The following AGAP1 variants were observed in gnomAD, a reference collection of about 807,000 sequenced individuals.
AGAP1 encodes the protein ArfGAP with GTPase domain, ankyrin repeat and PH domain 1, also known as arf-GAP with GTPase, ANK repeat and PH domain-containing protein 1.
A neutral mutation model predicts 105.3 loss-of-function variants in AGAP1; 29 were observed. The observed-to-expected ratio is 0.28, with a 90% CI of 0.21 to 0.38. The LOEUF (loss-of-function observed/expected upper bound fraction) is 0.38. Ranked by LOEUF, AGAP1 falls within the 10% of genes least tolerant of loss-of-function variation. The pLI is 1.00. For missense variants in AGAP1, 998 were observed against 1,165.1 expected (o/e 0.86, Z 2.09); for synonymous variants, 509 against 485.9 (o/e 1.05, Z -0.63).
At chr2:235,781,479 T>A (rs1212295506) in intron 6 of AGAP1, among the ~76,000 whole-genome samples, 1 of 152,258 alleles carries the variant, frequency 6.6e-6, no homozygotes, top group African/African-American at 2.4e-5. Context: ...AAATGCTCTA[T>A]GATGCCTTTT....
In AGAP1 at chr2:235,574,021, C is replaced by T. The variant is rs1003091664; in HGVS notation, c.163+79172C>T. Among the ~76,000 whole-genome samples the T allele has an allele frequency of 3.3e-5, 5 of 152,350 alleles. No homozygotes were observed. The highest frequency in any genetic ancestry group is 7.3e-5 in the Non-Finnish European group (5 of 68,034). On this transcript the variant is annotated intron_variant, in intron 1 of 17. Coordinates refer to ENST00000304032, the MANE Select transcript of AGAP1 (RefSeq NM_001037131.3). The surrounding 1 kb of genome is among the most constrained non-coding windows in gnomAD (Gnocchi z 5.0). Reference sequence around the variant, plus strand: ...GTGTTGGCCAGGAGCCCACTGGCTTCACCAGACCCTGACTGTTAGCTGGTC... The same window carrying T: ...GTGTTGGCCAGGAGCCCACTGGCTTTACCAGACCCTGACTGTTAGCTGGTC...
chr2:235,810,710 T>C (rs1216921469), intron 9 of AGAP1, among the ~76,000 whole-genome samples: 1 of 152,186 alleles, frequency 6.6e-6, no homozygotes, highest in Non-Finnish European at 1.5e-5. Flanking sequence ...CGATTAAAGA[T>C]TCCCCATCAA....
At position 235,907,202 on chromosome 2, in the gene AGAP1, A is replaced by G. The variant is rs146102663; in HGVS notation, c.1156-1536A>G. ...AGTGATTCTAGAACTTGATCCAACT[A>G]TCTCTCTGCATCGGGTAACTGCCAT... On this transcript the variant is annotated intron_variant, in intron 10 of 17. Coordinates refer to ENST00000304032, the MANE Select transcript of AGAP1 (RefSeq NM_001037131.3). Among the ~76,000 whole-genome samples the G allele has an allele frequency of 8.5e-5, 13 of 152,302 alleles. No individual in the cohort carries two copies. In the East Asian group the frequency reaches 2.3e-3, roughly 27 times the overall value.
Position 235,623,205 on chromosome 2 carries a change from A to G in AGAP1, c.164-85974A>G, listed in dbSNP as rs1055825237. On this transcript the variant is annotated intron_variant, in intron 1 of 17. Transcript: ENST00000304032. This position sits in a 1 kb window ranked among gnomAD's most constrained non-coding sequence, Gnocchi z 4.5. ...TTCAATACAGCTGCAGAAACAATGCATCTGAACGGATGGACTGTTTTGGAG... is the reference window on the plus strand; with the variant it reads ...TTCAATACAGCTGCAGAAACAATGCGTCTGAACGGATGGACTGTTTTGGAG... 4.6e-5 allele frequency among the ~76,000 whole-genome samples: 7 copies of G among 152,224 alleles called. No homozygotes were observed. Among genetic ancestry groups the G allele is most frequent in the African/African-American group, 1.7e-4 (7 of 41,464 alleles).
In AGAP1 at chr2:235,615,330, A is replaced by G. The variant is rs1438336259; in HGVS notation, c.164-93849A>G. On this transcript the variant is annotated intron_variant, in intron 1 of 17. Transcript: ENST00000304032. The surrounding 1 kb of genome is among the most constrained non-coding windows in gnomAD (Gnocchi z 5.0). ...CCTGCTCTGCCTCGCACTGCCTTCT[A>G]ATGGGTCCCACTGAGGAGCTTGCCA... is the stretch of plus-strand genomic sequence containing the variant. Among the ~76,000 whole-genome samples, 1 of 152,120 alleles carries G rather than the reference A, an allele frequency of 6.6e-6. No homozygotes were observed. The highest frequency in any genetic ancestry group is 6.5e-5 in the Admixed American group (1 of 15,276).
intron 13 of AGAP1, among the ~76,000 whole-genome samples, chr2:235,990,110 T>C (rs2125449493): frequency 6.6e-6 from 1 of 152,372 alleles, no homozygotes; most frequent in Middle Eastern, 3.4e-3. Context: ...TTAGGATTCC[T>C]GTTAAAACCT....
At chr2:235,880,804 G>A (rs1417564272) in intron 9 of AGAP1, among the ~76,000 whole-genome samples, 2 of 152,016 alleles carry the variant, frequency 1.3e-5, no homozygotes, top group Admixed American at 6.5e-5. Flanking sequence ...TAAAATCCAC[G>A]GGAATCCCAC....
chr2:235,790,637 G>A (rs1459594312), intron 6 of AGAP1, among the ~76,000 whole-genome samples: 2 of 152,152 alleles, frequency 1.3e-5, no homozygotes, highest in African/African-American at 4.8e-5. Flanking sequence ...CTGCATATCA[G>A]GTCCTTAGAA....
intron 3 of AGAP1, among the ~76,000 whole-genome samples, chr2:235,735,520 G>A (rs568231117): frequency 5.0e-4 from 76 of 152,262 alleles, no homozygotes; most frequent in African/African-American, 1.6e-3. Context: ...CTCTCACATT[G>A]TGAGACAGCA....
At chr2:235,666,806 A>G (rs1948142063) in intron 1 of AGAP1, among the ~76,000 whole-genome samples, 1 of 152,042 alleles carries the variant, frequency 6.6e-6, no homozygotes, top group Admixed American at 6.6e-5. Flanking sequence ...TGCTTCAGAT[A>G]ACAAGCCAGA....
At chr2:235,603,020 C>T (rs1409930051) in intron 1 of AGAP1, among the ~76,000 whole-genome samples, 1 of 152,108 alleles carries the variant, frequency 6.6e-6, no homozygotes, top group Non-Finnish European at 1.5e-5. Context: ...ACACTTCTTA[C>T]TGATATGGTT....
chr2:235,922,341 C>T (rs1036709629), intron 11 of AGAP1, among the ~76,000 whole-genome samples: 1 of 152,196 alleles, frequency 6.6e-6, no homozygotes, highest in Non-Finnish European at 1.5e-5. Flanking sequence ...CACTCAAGTG[C>T]TCATAGAATC....
intron 6 of AGAP1, among the ~76,000 whole-genome samples, chr2:235,759,795 G>C (rs553566724): frequency 6.6e-6 from 1 of 152,194 alleles, no homozygotes; most frequent in South Asian, 2.1e-4. Flanking sequence ...TTCGAATTCA[G>C]TTCTTAACCA....
chr2:235,996,067 G>A (rs958796364), intron 13 of AGAP1, among the ~76,000 whole-genome samples: 5 of 152,194 alleles, frequency 3.3e-5, no homozygotes, highest in Non-Finnish European at 5.9e-5. Flanking sequence ...ATTAACTGGA[G>A]GCTTGCCAAC....
rs1391307941 is a variant in AGAP1, at chr2:235,934,961, C to T, written c.1483+4038C>T. ...TTCAAAGTCTCCTCTCTAGACACAC[C>T]GGTCCCCCCGGGGTTTCTTCCTTTA... On this transcript the variant is annotated intron_variant, in intron 12 of 17. Transcript: ENST00000304032. The surrounding 1 kb of genome is among the most constrained non-coding windows in gnomAD (Gnocchi z 4.9). 6.6e-6 allele frequency among the ~76,000 whole-genome samples: 1 copy of T among 152,252 alleles called. No individual in the cohort carries two copies. The highest frequency in any genetic ancestry group is 2.4e-5 in the African/African-American group (1 of 41,534).
intron 9 of AGAP1, among the ~76,000 whole-genome samples, chr2:235,814,748 G>C (rs1391769937): frequency 1.3e-5 from 2 of 152,198 alleles, no homozygotes; most frequent in Non-Finnish European, 2.9e-5. Flanking sequence ...CATACAAGTA[G>C]GTGGTGGCAG....
Position 235,968,367 on chromosome 2 carries a change from G to C in AGAP1, c.1484-95G>C. On this transcript the variant is annotated intron_variant, in intron 12 of 17. Coordinates refer to ENST00000304032, the MANE Select transcript of AGAP1 (RefSeq NM_001037131.3). Reference sequence around the variant, plus strand: ...TATTTGCAGGGCCTGTGTGGTATGAGAGGAGCGTGGCTGTGCTGTTTCTGC... The same window carrying C: ...TATTTGCAGGGCCTGTGTGGTATGACAGGAGCGTGGCTGTGCTGTTTCTGC... The C allele has an allele frequency of 2.1e-6, 3 of 1,443,584 alleles. No homozygotes were observed. In the South Asian group the frequency reaches 4.3e-5, roughly 21 times the overall value. 89.4% of individuals were successfully genotyped at this position (1,443,584 alleles called of 1,614,324 possible). A position where few individuals can be genotyped will look rare whatever the true frequency, so the allele number is the denominator to read the frequency against.
chr2:235,924,888 C>T (rs2125121752), intron 11 of AGAP1, among the ~76,000 whole-genome samples: 1 of 152,330 alleles, frequency 6.6e-6, no homozygotes, highest in Non-Finnish European at 1.5e-5. Context: ...TCTGTTTACT[C>T]TGTCCACATC....
chr2:235,713,410 A>G (rs1389404942), intron 2 of AGAP1, among the ~76,000 whole-genome samples: 1 of 152,248 alleles, frequency 6.6e-6, no homozygotes, highest in Non-Finnish European at 1.5e-5. Flanking sequence ...TCTGAGCCTT[A>G]GTAATAAGCA....
Sources: gnomAD v4.1 joint callset for allele counts (sites outside exome capture counted in the v4.1 genomes callset) on GRCh38, gnomAD v4.1.1 for gene constraint, Gnocchi (gnomAD v3.1) non-coding constraint, MANE v1.5 for transcripts, NCBI Gene and HGNC (gene_info 2026-07-23, HGNC 2026-07-21) for gene names.